ADAMTS2: variants seen among roughly 807,000 people sequenced by gnomAD.
The protein encoded by ADAMTS2 is ADAM metallopeptidase with thrombospondin type 1 motif 2, also known as A disintegrin and metalloproteinase with thrombospondin motifs 2.
Under a neutral mutation model 123.0 loss-of-function variants are expected in ADAMTS2, and 50 were observed. That is an observed-to-expected ratio of 0.41 (90% CI 0.32 to 0.51). The LOEUF (loss-of-function observed/expected upper bound fraction) is 0.51, where lower values mean the gene tolerates loss of function less well. Among genes scored for constraint, ADAMTS2 ranks in the 20% least tolerant of loss-of-function variants. The pLI, the probability that ADAMTS2 is intolerant of heterozygous loss-of-function variation, is 0.35. For synonymous variants in ADAMTS2, 678 were observed against 695.4 expected (o/e 0.98, Z 0.39); for missense variants, 1,494 against 1,705.2 (o/e 0.88, Z 2.18).
intron 2 of ADAMTS2, among the ~76,000 whole-genome samples, chr5:179,293,707 G>A (rs1046981170): frequency 4.6e-5 from 7 of 152,152 alleles, no homozygotes; most frequent in African/African-American, 1.7e-4. Flanking sequence ...TCCACCTCCT[G>A]GGTTCAAGTG....
chr5:179,265,736 A>C (rs984737050), intron 3 of ADAMTS2, among the ~76,000 whole-genome samples: 1 of 152,172 alleles, frequency 6.6e-6, no homozygotes, highest in African/African-American at 2.4e-5. Flanking sequence ...CCGCGCTGGC[A>C]TCTCCAACAG....
intron 3 of ADAMTS2, among the ~76,000 whole-genome samples, chr5:179,208,176 G>T (rs1764762592): frequency 6.6e-6 from 1 of 151,536 alleles, no homozygotes; most frequent in Non-Finnish European, 1.5e-5. Context: ...GCTGGAGTGG[G>T]TAGAGCCACC....
At position 179,137,856 on chromosome 5, in the gene ADAMTS2, A is replaced by G; in HGVS notation, c.1864T>C (p.Phe622Leu). 6 of 1,566,176 alleles carry G rather than the reference A, an allele frequency of 3.8e-6. No individual in the cohort carries two copies. Among genetic ancestry groups the G allele is most frequent in the Non-Finnish European group, 5.2e-6 (6 of 1,156,684 alleles). ...CACTGGCGGCACTGCTCCTCGCGGAAGTCAGCCAGGGAGTCGGGGCAGTCC... is the reference window on the plus strand; with the variant it reads ...CACTGGCGGCACTGCTCCTCGCGGAGGTCAGCCAGGGAGTCGGGGCAGTCC... Reference protein sequence around the residue: ...RQDCPDSLADFREEQCRQWDL... With the variant: ...RQDCPDSLADLREEQCRQWDL... Residue 622 changes from phenylalanine to leucine, a missense_variant, in exon 12 of 22, where the codon TTC becomes CTC. Phe to Leu is a conservative substitution (Grantham distance 22). This residue lies in a region of ADAMTS2 where 953 missense variants were observed against 1,124.7 expected (regional missense o/e 0.85). Coordinates refer to ENST00000251582, the MANE Select transcript of ADAMTS2 (RefSeq NM_014244.5).
At chr5:179,183,556 C>A (rs1012075899) in intron 4 of ADAMTS2, among the ~76,000 whole-genome samples, 1 of 152,246 alleles carries the variant, frequency 6.6e-6, no homozygotes, top group African/African-American at 2.4e-5. Flanking sequence ...GGTGGCCCAG[C>A]CTGCTCAGGC....
chr5:179,290,557 C>T (rs1581249789), intron 2 of ADAMTS2, among the ~76,000 whole-genome samples: 1 of 152,332 alleles, frequency 6.6e-6, no homozygotes, highest in Admixed American at 6.5e-5. Context: ...ACGTTGCATA[C>T]GGAGGAAGCT....
chr5:179,194,986 C>T (rs184657701), intron 4 of ADAMTS2, among the ~76,000 whole-genome samples: 3 of 152,324 alleles, frequency 2.0e-5, no homozygotes, highest in Admixed American at 1.3e-4. Context: ...ATTCACGATG[C>T]GGCCAGGCCT....
chr5:179,153,383 G>A, intron 9 of ADAMTS2, 108 bp downstream of exon 9: 1 of 1,540,236 alleles, frequency 6.5e-7, no homozygotes, highest in Non-Finnish European at 8.8e-7. Flanking sequence ...GGGCCGCTCT[G>A]CCCTCCCCAC....
chr5:179,328,106 C>T (rs1234523535), intron 2 of ADAMTS2, among the ~76,000 whole-genome samples: 2 of 152,250 alleles, frequency 1.3e-5, no homozygotes, highest in Non-Finnish European at 2.9e-5. Context: ...GATCTGAGCT[C>T]ACTGCAGGCT....
chr5:179,292,971 G>A (rs1358966879), intron 2 of ADAMTS2, among the ~76,000 whole-genome samples: 2 of 152,194 alleles, frequency 1.3e-5, no homozygotes, highest in African/African-American at 2.4e-5. Flanking sequence ...CCTAGAGGTT[G>A]TCAGGAGCTA....
rs561601155 is a variant in ADAMTS2 at position 179,168,038 on chromosome 5, G to C, written c.976-9159C>G. ...CTGCCTCAGACCAGCCTCCTAAACA[G>C]GTGCAGGATAGGACAGCAGGGAGGT... is the stretch of plus-strand genomic sequence containing the variant. On this transcript the variant is annotated intron_variant, in intron 5 of 21. Coordinates refer to ENST00000251582, the MANE Select transcript of ADAMTS2 (RefSeq NM_014244.5). Among the ~76,000 whole-genome samples the C allele has an allele frequency of 2.6e-4, 39 of 152,332 alleles. No homozygotes were observed. The East Asian group carries it at 6.8e-3, about 26-fold the overall frequency.
rs1756750455 is a variant in ADAMTS2 at position 179,308,957 on chromosome 5, C to T, written c.534+34810G>A. On this transcript the variant is annotated intron_variant, in intron 2 of 21. Transcript: ENST00000251582. This position sits in a 1 kb window ranked among gnomAD's most constrained non-coding sequence, Gnocchi z 6.6. ...GAGGACAGGCCAGGCCATGGTGAGG[C>T]CCTGGGTCCAGGGAAAGATACGAAG... Among the ~76,000 whole-genome samples, 1 of 152,214 alleles carries T rather than the reference C, an allele frequency of 6.6e-6. No individual in the cohort carries two copies. Among genetic ancestry groups the T allele is most frequent in the Non-Finnish European group, 1.5e-5 (1 of 68,034 alleles).
At chr5:179,309,629 G>T (rs1214648785) in intron 2 of ADAMTS2, among the ~76,000 whole-genome samples, 4 of 151,990 alleles carry the variant, frequency 2.6e-5, no homozygotes, top group Non-Finnish European at 5.9e-5. Context: ...ATGGTGGCAC[G>T]CACCGGTAAC....
intron 2 of ADAMTS2, among the ~76,000 whole-genome samples, chr5:179,335,642 TAGAC>T (rs1561764264): frequency 6.6e-6 from 1 of 152,216 alleles, no homozygotes; most frequent in African/African-American, 2.4e-5. Context: ...ACCCATAAAA[TAGAC>T]AGATGTAAAT....
intron 5 of ADAMTS2, among the ~76,000 whole-genome samples, chr5:179,166,569 G>T (rs1763702282): frequency 6.6e-6 from 1 of 151,778 alleles, no homozygotes; most frequent in African/African-American, 2.4e-5. Context: ...GAACAGCCAG[G>T]AGCTTAGGGG....
rs574403155 is a variant in ADAMTS2, at chr5:179,215,405, G to A, written c.689-7690C>T. Among the ~76,000 whole-genome samples the A allele has an allele frequency of 1.5e-4, 23 of 152,276 alleles. No individual in the cohort carries two copies. The South Asian group carries it at 4.1e-3, about 27-fold the overall frequency. On this transcript the variant is annotated intron_variant, in intron 3 of 21. Coordinates refer to ENST00000251582, the MANE Select transcript of ADAMTS2 (RefSeq NM_014244.5). ...GGAGGCTGTGGTAAGCTGAGATCAC[G>A]CCATTGCACTCCAGCCTGAGCAACA...
chr5:179,224,817 C>A (rs1765241470), intron 3 of ADAMTS2, among the ~76,000 whole-genome samples: 1 of 147,002 alleles, frequency 6.8e-6, no homozygotes, highest in African/African-American at 2.7e-5. Context: ...GGTCTGTCTG[C>A]CACCTCAGCT....
intron 2 of ADAMTS2, among the ~76,000 whole-genome samples, chr5:179,276,052 G>A (rs556425075): frequency 1.2e-4 from 18 of 152,290 alleles, no homozygotes; most frequent in South Asian, 4.1e-4. Context: ...GGAGGAGAGC[G>A]GAAGAGGGGG....
At chr5:179,145,660 C>T (rs954562500) in intron 10 of ADAMTS2, among the ~76,000 whole-genome samples, 2 of 152,056 alleles carry the variant, frequency 1.3e-5, no homozygotes, top group Non-Finnish European at 2.9e-5. Context: ...ATTGGAAAAT[C>T]GATAAAGACA....
chr5:179,309,075 C>T (rs916056704), intron 2 of ADAMTS2, among the ~76,000 whole-genome samples: 2 of 152,240 alleles, frequency 1.3e-5, no homozygotes, highest in African/African-American at 2.4e-5. Flanking sequence ...TGCAGCTGCG[C>T]CATCCACAGG....
Sources: allele counts gnomAD v4.1 joint callset (sites outside exome capture counted in the v4.1 genomes callset), GRCh38; gene constraint gnomAD v4.1.1; regional missense constraint gnomAD v4.1.1; non-coding constraint Gnocchi (gnomAD v3.1); transcripts MANE v1.5; gene names NCBI Gene and HGNC (gene_info 2026-07-23, HGNC 2026-07-21).